Variants in HECTD2 observed in about 807,000 individuals in gnomAD.
HECTD2 encodes HECT domain E3 ubiquitin protein ligase 2, also known as probable E3 ubiquitin-protein ligase HECTD2.
HECTD2 carries 35 observed loss-of-function variants against 103.2 expected under a neutral mutation model. The observed-to-expected ratio is 0.34, with a 90% CI of 0.26 to 0.45. The LOEUF is 0.45. HECTD2 is among the 20% of genes least tolerant of loss of function. HECTD2 has a pLI of 1.00. For missense variants in HECTD2, 596 were observed against 937.4 expected (o/e 0.64, Z 4.76); for synonymous variants, 281 against 329.9 (o/e 0.85, Z 1.61).
At position 91,500,509 on chromosome 10, in the gene HECTD2, G is replaced by A. The variant is rs749422558; in HGVS notation, c.1958G>A (p.Arg653His). Residue 653 changes from arginine (R) to histidine (H), a missense_variant, in exon 19 of 21, where the codon CGT becomes CAT. Arg to His is a conservative substitution (Grantham distance 29, BLOSUM62 0). Transcript: ENST00000298068. Reference protein sequence around the residue: ...VCASNALMLLRPEEVEILVCG... With the variant: ...VCASNALMLLHPEEVEILVCG... ...ATAAATAATTATTGGCAGCTGCTTC[G>A]TCCAGAAGAGGTTGAAATTTTGGTC... The A allele has an allele frequency of 1.1e-5, 17 of 1,551,404 alleles. No homozygotes were observed. The highest frequency in any genetic ancestry group is 1.3e-5 in the Non-Finnish European group (15 of 1,123,444).
At chr10:91,456,718 A>G (rs1229699847) in intron 2 of HECTD2, among the ~76,000 whole-genome samples, 1 of 152,116 alleles carries the variant, frequency 6.6e-6, no homozygotes, top group Non-Finnish European at 1.5e-5. Flanking sequence ...TGGGTTTGTC[A>G]TAAATAGCTC....
At chr10:91,410,958 C>G (rs79928483) in intron 1 of HECTD2, among the ~76,000 whole-genome samples, 2,198 of 152,282 alleles carry the variant, frequency 0.014, 49 homozygotes, top group African/African-American at 0.05. Flanking sequence ...GCCTGCCTGC[C>G]TGCCTGCCTT....
chr10:91,500,400 G>T, intron 18 of HECTD2, 102 bp from the exon 19 acceptor site: 106 of 350,998 alleles, frequency 3.0e-4, no homozygotes, highest in East Asian at 1.1e-3. Flanking sequence ...GATTTACTAT[G>T]AGAAATCATG....
chr10:91,490,666 C>T (rs371313445), intron 11 of HECTD2, among the ~76,000 whole-genome samples: 6 of 151,310 alleles, frequency 4.0e-5, no homozygotes, highest in African/African-American at 1.2e-4. Context: ...CCGAGGCGGG[C>T]GGATCACGAG....
rs545116461 is a variant in HECTD2 at position 91,439,180 on chromosome 10, G to C, written c.268+13770G>C. On this transcript the variant is annotated intron_variant, in intron 2 of 20. Coordinates refer to ENST00000298068, the MANE Select transcript of HECTD2 (RefSeq NM_182765.6). ...CCTATGTCCTGAATGGTATTGCCTAGGTTTTCTTCTAGGGTTTTTATGGTT... is the reference window on the plus strand; with the variant it reads ...CCTATGTCCTGAATGGTATTGCCTACGTTTTCTTCTAGGGTTTTTATGGTT... Among the ~76,000 whole-genome samples, 6 of 152,186 alleles carry C rather than the reference G, an allele frequency of 3.9e-5. No homozygotes were observed. In the East Asian group the frequency reaches 7.7e-4, roughly 20 times the overall value.
At chr10:91,457,196 G>A (rs934138944) in intron 2 of HECTD2, among the ~76,000 whole-genome samples, 1 of 151,942 alleles carries the variant, frequency 6.6e-6, no homozygotes, top group Non-Finnish European at 1.5e-5. Flanking sequence ...GAATATTCAC[G>A]TCCGGATGGT....
chr10:91,410,105 G>C (rs1285243830), upstream of HECTD2, among the ~76,000 whole-genome samples: 4 of 152,018 alleles, frequency 2.6e-5, no homozygotes, highest in African/African-American at 9.7e-5. Context: ...GGCGTCGACC[G>C]TGGCGCCTTC....
At chr10:91,459,450 C>A (rs116920797) in intron 2 of HECTD2, among the ~76,000 whole-genome samples, 1 of 151,988 alleles carries the variant, frequency 6.6e-6, no homozygotes, top group Non-Finnish European at 1.5e-5. Flanking sequence ...GAATAGTTAA[C>A]CATATAGCGG....
chr10:91,440,032 A>G (rs1387879713), intron 2 of HECTD2, among the ~76,000 whole-genome samples: 1 of 152,052 alleles, frequency 6.6e-6, no homozygotes, highest in Non-Finnish European at 1.5e-5. Context: ...CTGCAAACAG[A>G]GACAATTTGA....
chr10:91,465,560 G>GT (rs560068820), intron 5 of HECTD2, among the ~76,000 whole-genome samples: 1,521 of 141,044 alleles, frequency 0.011, 11 homozygotes, highest in African/African-American at 0.017. Flanking sequence ...TAGCTGTAGG[G>GT]TTTTTTTTTT....
At chr10:91,500,408 A>G in intron 18 of HECTD2, 94 bp from the exon 19 acceptor site, 1 of 595,684 alleles carries the variant, frequency 1.7e-6, no homozygotes, top group Non-Finnish European at 3.0e-6. Context: ...ATGAGAAATC[A>G]TGACTTTTGT....
intron 10 of HECTD2, 176 bp downstream of exon 10, chr10:91,485,479 T>G (rs1376617326): frequency 4.1e-6 from 2 of 492,936 alleles, no homozygotes; most frequent in South Asian, 3.1e-5. Flanking sequence ...TGCTACATTT[T>G]GAATTTATGT....
In HECTD2 at chr10:91,465,887, A is replaced by G. The variant is rs544409960; in HGVS notation, c.600+3703A>G. 3.3e-5 allele frequency among the ~76,000 whole-genome samples: 5 copies of G among 152,278 alleles called. No individual in the cohort carries two copies. The South Asian group carries it at 6.2e-4, about 19-fold the overall frequency. On this transcript the variant is annotated intron_variant, in intron 5 of 20. Transcript: ENST00000298068. ...CTATGTTCATGAGAGGTATTGATCTATACTTTTCCTTTCTTGTAATATCTT... is the reference window on the plus strand; with the variant it reads ...CTATGTTCATGAGAGGTATTGATCTGTACTTTTCCTTTCTTGTAATATCTT...
At chr10:91,415,121 A>G (rs1015109992) in intron 1 of HECTD2, among the ~76,000 whole-genome samples, 4 of 152,106 alleles carry the variant, frequency 2.6e-5, no homozygotes, top group East Asian at 1.9e-4. Context: ...CAGAAATGAA[A>G]GAGAAGAAAG....
At chr10:91,504,582 G>A (rs1249394243) in intron 20 of HECTD2, among the ~76,000 whole-genome samples, 1 of 151,734 alleles carries the variant, frequency 6.6e-6, no homozygotes, top group Non-Finnish European at 1.5e-5. Flanking sequence ...AGAGAAAAAA[G>A]AATAAAAAGA....
chr10:91,498,056 C>T, intron 15 of HECTD2, 52 bp from the exon 16 acceptor site: 1 of 1,222,396 alleles, frequency 8.2e-7, no homozygotes, highest in Non-Finnish European at 1.2e-6. Context: ...ACTTCATTAT[C>T]CTAGCTAATG....
intron 20 of HECTD2, among the ~76,000 whole-genome samples, chr10:91,501,561 T>G (rs988446162): frequency 5.9e-5 from 9 of 152,152 alleles, no homozygotes; most frequent in Admixed American, 3.9e-4. Context: ...TTTACTTTGC[T>G]AGGTCATATA....
In HECTD2 at chr10:91,498,852, G is replaced by T. The variant is rs1265073417; in HGVS notation, c.1756-20G>T. On this transcript the variant is annotated intron_variant, in intron 16 of 20. Coordinates refer to ENST00000298068, the MANE Select transcript of HECTD2 (RefSeq NM_182765.6). ...TATTATATCAACCATATTAATATGT[G>T]TAATGGCATCTCCCATCAGGTTTTT... 2.1e-6 allele frequency: 3 copies of T among 1,421,716 alleles called. No homozygotes were observed. Among genetic ancestry groups the T allele is most frequent in the Non-Finnish European group, 3.0e-6 (3 of 1,014,192 alleles). The allele number at this position is 1,421,716 out of a possible 1,614,324, so 88.1% of individuals were successfully genotyped here.
chr10:91,512,233 C>CTT (rs778838439), intron 20 of HECTD2, 31 bp from the exon 21 acceptor site: 4 of 1,603,792 alleles, frequency 2.5e-6, no homozygotes, highest in South Asian at 2.2e-5. Context: ...TGTTTCAAGA[C>CTT]TTAGTATTTT....
Sources: gnomAD v4.1 joint callset for allele counts (sites outside exome capture counted in the v4.1 genomes callset) on GRCh38, gnomAD v4.1.1 for gene constraint, MANE v1.5 for transcripts, NCBI Gene and HGNC (gene_info 2026-07-23, HGNC 2026-07-21) for gene names.